SDF4: variants seen among roughly 807,000 people sequenced by gnomAD.
The protein encoded by SDF4 is 45 kDa calcium-binding protein.
A neutral mutation model predicts 34.2 loss-of-function variants in SDF4; 22 were observed. That is an observed-to-expected ratio of 0.64 (90% CI 0.46 to 0.92). SDF4 has a LOEUF of 0.92. SDF4 is among the 40% of genes least tolerant of loss of function. The pLI, the probability that SDF4 is intolerant of heterozygous loss-of-function variation, is 0.00. For missense variants in SDF4, 447 were observed against 499.9 expected, an observed-to-expected ratio of 0.89 and a Z score of 1.01; for synonymous variants, 236 against 203.1, an observed-to-expected ratio of 1.16 and a Z score of -1.38.
At chr1:1,219,356 A>G in intron 4 of SDF4, 1 of 1,098,122 alleles carries the variant, frequency 9.1e-7, no homozygotes, top group Non-Finnish European at 1.1e-6. Flanking sequence ...ACCCCAGGAC[A>G]CAGCTCAGAG....
chr1:1,231,672 C>A (rs1411403225), intron 1 of SDF4, among the ~76,000 whole-genome samples: 1 of 152,228 alleles, frequency 6.6e-6, no homozygotes, highest in Non-Finnish European at 1.5e-5. Context: ...CCAGACGTGC[C>A]GGCGGCCGGG....
At chr1:1,220,555 C>A (rs1011372576) in intron 4 of SDF4, 1 of 1,260,888 alleles carries the variant, frequency 7.9e-7, no homozygotes, top group Non-Finnish European at 1.0e-6. Flanking sequence ...CCTAGGCACC[C>A]TGAGGTCGGG....
At chr1:1,225,127 C>T (rs567927545) in intron 2 of SDF4, among the ~76,000 whole-genome samples, 2 of 152,306 alleles carry the variant, frequency 1.3e-5, no homozygotes, top group African/African-American at 4.8e-5. Context: ...AGCTCGGCTT[C>T]ACCATTATGT....
chr1:1,220,417 G>C, intron 4 of SDF4: 2 of 1,176,688 alleles, frequency 1.7e-6, no homozygotes, highest in South Asian at 3.3e-5. Flanking sequence ...GACCCTCGCA[G>C]GAGCCATGCA....
chr1:1,225,388 A>G (rs2100980072), intron 2 of SDF4, among the ~76,000 whole-genome samples: 1 of 152,330 alleles, frequency 6.6e-6, no homozygotes, highest in African/African-American at 2.4e-5. Context: ...CTCGTCAGGC[A>G]GGTGTGGCCT....
chr1:1,220,785 A>C (rs1649900343), intron 4 of SDF4: 2 of 1,286,722 alleles, frequency 1.6e-6, no homozygotes, highest in Non-Finnish European at 2.0e-6. Flanking sequence ...ACACAATCAG[A>C]GTTGGGGGGC....
intron 4 of SDF4, 68 bp downstream of exon 4, chr1:1,223,176 A>T: frequency 1.9e-6 from 2 of 1,073,900 alleles, no homozygotes; most frequent in Non-Finnish European, 1.4e-6. Flanking sequence ...ACACTCATGT[A>T]CACACAACAC....
intron 4 of SDF4, among the ~76,000 whole-genome samples, chr1:1,221,509 A>G (rs1056750119): frequency 1.3e-5 from 2 of 152,048 alleles, no homozygotes; most frequent in Non-Finnish European, 2.9e-5. Context: ...TCCTGGCAGG[A>G]ACGTATCTTA....
chr1:1,219,523 C>T (rs553594649), intron 4 of SDF4: 124 of 991,974 alleles, frequency 1.3e-4, no homozygotes, highest in Non-Finnish European at 1.4e-4. Context: ...TCACGTGTGA[C>T]GTCACAGGGA....
intron 4 of SDF4, among the ~76,000 whole-genome samples, chr1:1,222,324 C>T (rs995209016): frequency 2.0e-5 from 3 of 152,214 alleles, no homozygotes; most frequent in Non-Finnish European, 2.9e-5. Context: ...AGACCTGGCC[C>T]CGTGCAGGGT....
chr1:1,229,390 CTT>C (rs1638423570), intron 1 of SDF4, among the ~76,000 whole-genome samples: 1 of 152,178 alleles, frequency 6.6e-6, no homozygotes, highest in African/African-American at 2.4e-5. Context: ...TTATTTTACT[CTT>C]TGTAGAGACG....
chr1:1,219,378 T>C (rs1649766732), intron 4 of SDF4: 4 of 1,047,794 alleles, frequency 3.8e-6, no homozygotes, highest in Non-Finnish European at 4.6e-6. Flanking sequence ...CCCTCATGCC[T>C]GGGACCCCTC....
At chr1:1,225,506 G>A (rs1021086093) in intron 2 of SDF4, among the ~76,000 whole-genome samples, 32 of 152,060 alleles carry the variant, frequency 2.1e-4, no homozygotes, top group Non-Finnish European at 8.8e-5. Flanking sequence ...GCTCACACGC[G>A]CCCCTCCCTC....
chr1:1,223,506 C>T (rs1453435992), intron 3 of SDF4, 149 bp from the exon 4 acceptor site: 36 of 670,312 alleles, frequency 5.4e-5, no homozygotes, highest in South Asian at 5.6e-5. Flanking sequence ...ACCCCACACC[C>T]GTTTCCTCAC....
intron 3 of SDF4, 46 bp downstream of exon 3, chr1:1,223,786 G>GCCCCCCCCCCCCCCCCCCCCCCCCCCCC: frequency 1.7e-6 from 1 of 585,242 alleles, no homozygotes; most frequent in Non-Finnish European, 2.9e-6. Context: ...CCATGGCCCT[G>GCCCCCCCCCCCCCCCCCCCCCCCCCCCC]CCCGCCCCGC....
At chr1:1,228,072 G>C (rs1421896269) in intron 2 of SDF4, among the ~76,000 whole-genome samples, 1 of 152,182 alleles carries the variant, frequency 6.6e-6, no homozygotes, top group Non-Finnish European at 1.5e-5. Context: ...AGCCACCTGT[G>C]GCAGCCCCTC....
chr1:1,228,249 C>G (rs769640137), intron 2 of SDF4, among the ~76,000 whole-genome samples: 1 of 152,252 alleles, frequency 6.6e-6, no homozygotes, highest in South Asian at 2.1e-4. Context: ...TCTGAGCCCC[C>G]GGCGGACCCA....
At chr1:1,231,194 T>C (rs538758284) in intron 1 of SDF4, among the ~76,000 whole-genome samples, 1 of 152,340 alleles carries the variant, frequency 6.6e-6, no homozygotes, top group South Asian at 2.1e-4. Flanking sequence ...TTCATCACGG[T>C]GTGCCAGGTT....
chr1:1,219,555 T>C, intron 4 of SDF4: 1 of 989,750 alleles, frequency 1.0e-6, no homozygotes, highest in Middle Eastern at 5.2e-4. Context: ...TTTCTAGAAA[T>C]GACTGAGACT....
Sources: gnomAD v4.1 joint callset for allele counts (sites outside exome capture counted in the v4.1 genomes callset) on GRCh38, gnomAD v4.1.1 for gene constraint, MANE v1.5 for transcripts, NCBI Gene and HGNC (gene_info 2026-07-23, HGNC 2026-07-21) for gene names.